Variants in FAM222A observed in about 807,000 individuals in gnomAD.
The protein encoded by FAM222A is family with sequence similarity 222 member A, also known as protein FAM222A.
FAM222A carries 7 observed loss-of-function variants against 25.8 expected under a neutral mutation model. The observed-to-expected ratio is 0.27, with a 90% CI of 0.15 to 0.51. FAM222A has a LOEUF of 0.51. FAM222A is among the 20% of genes least tolerant of loss of function. FAM222A has a pLI of 0.97. For missense variants in FAM222A, 573 were observed against 640.5 expected, an observed-to-expected ratio of 0.89 and a Z score of 1.14; for synonymous variants, 294 against 298.8, an observed-to-expected ratio of 0.98 and a Z score of 0.17.
intron 1 of FAM222A, among the ~76,000 whole-genome samples, chr12:109,721,392 A>G (rs1887742820): frequency 6.7e-6 from 1 of 149,504 alleles, no homozygotes; most frequent in Non-Finnish European, 1.5e-5. Flanking sequence ...CGCGTCCTTC[A>G]TAAATGTCAA....
chr12:109,754,507 G>A (rs1003070752), intron 2 of FAM222A, among the ~76,000 whole-genome samples: 2 of 152,232 alleles, frequency 1.3e-5, no homozygotes, highest in African/African-American at 4.8e-5. Flanking sequence ...AGCTTTGTGA[G>A]CCATACAGTT....
chr12:109,768,132 G>T lies in FAM222A; in HGVS notation c.203G>T (p.Arg68Leu). ...ATCAAGATCTTCCCCACCAACATCC[G>T]TGTGCCCCAGCACAAGCACCTCAGC... The part of the protein sequence containing the change: ...LSIKIFPTNI[R>L]VPQHKHLSRT... The change falls in exon 3 of 3, where the codon CGT (arginine) becomes CTT (leucine). Residue 68 changes from arginine to leucine, a missense_variant. Arg to Leu is a moderately radical substitution (Grantham distance 102, BLOSUM62 -2). This residue lies in a region of FAM222A where 112 missense variants were observed against 154.6 expected (regional missense o/e 0.72). Transcript: ENST00000538780. 6.2e-7 allele frequency: 1 copy of T among 1,613,972 alleles called. No individual in the cohort carries two copies. Among genetic ancestry groups the T allele is most frequent in the Non-Finnish European group, 8.5e-7 (1 of 1,180,020 alleles).
chr12:109,761,315 C>T (rs1443450764), intron 2 of FAM222A, among the ~76,000 whole-genome samples: 1 of 152,100 alleles, frequency 6.6e-6, no homozygotes, highest in Non-Finnish European at 1.5e-5. Context: ...GAAGGGTCCA[C>T]GGGAGTACGA....
chr12:109,737,270 C>T (rs1330001141), intron 1 of FAM222A, among the ~76,000 whole-genome samples: 1 of 152,066 alleles, frequency 6.6e-6, no homozygotes, highest in Non-Finnish European at 1.5e-5. Flanking sequence ...GAGGGAAGCC[C>T]ACCTCAGGAC....
chr12:109,727,208 T>C (rs1442437824), intron 1 of FAM222A, among the ~76,000 whole-genome samples: 1 of 152,020 alleles, frequency 6.6e-6, no homozygotes, highest in Non-Finnish European at 1.5e-5. Flanking sequence ...GGCCTTTGTG[T>C]GAGCTTGAGC....
At chr12:109,760,310 G>A (rs916457029) in intron 2 of FAM222A, among the ~76,000 whole-genome samples, 4 of 152,164 alleles carry the variant, frequency 2.6e-5, no homozygotes, top group Admixed American at 2.6e-4. Context: ...GCACGGGGAG[G>A]CAGTGCTTCA....
At chr12:109,716,269 A>G (rs1321957076) in intron 1 of FAM222A, among the ~76,000 whole-genome samples, 1 of 152,130 alleles carries the variant, frequency 6.6e-6, no homozygotes, top group Non-Finnish European at 1.5e-5. Flanking sequence ...CCTTCCAGCA[A>G]TTATTGCCAG....
intron 1 of FAM222A, among the ~76,000 whole-genome samples, chr12:109,718,798 T>TGACATC (rs2136315286): frequency 6.6e-6 from 1 of 152,344 alleles, no homozygotes; most frequent in Admixed American, 6.5e-5. Context: ...TATAAGCTAC[T>TGACATC]GACATCTTTT....
chr12:109,737,565 A>G (rs1416859120), intron 1 of FAM222A, among the ~76,000 whole-genome samples: 3 of 143,530 alleles, frequency 2.1e-5, no homozygotes, highest in African/African-American at 7.9e-5. Context: ...AGGGGACAGT[A>G]CCTCCCCAGC....
At chr12:109,744,053 A>G (rs1376619652) in intron 1 of FAM222A, 48 bp from the exon 2 acceptor site, 4 of 1,510,432 alleles carry the variant, frequency 2.6e-6, no homozygotes, top group Non-Finnish European at 3.5e-6. Context: ...TGGGAGGCGA[A>G]CACGGAGCAG....
chr12:109,715,501 C>T (rs1259794713), intron 1 of FAM222A, among the ~76,000 whole-genome samples: 1 of 152,176 alleles, frequency 6.6e-6, no homozygotes, highest in African/African-American at 2.4e-5. Context: ...CACCACTTGC[C>T]TTGACCCAAG....
At chr12:109,753,170 G>T (rs1463817720) in intron 2 of FAM222A, among the ~76,000 whole-genome samples, 1 of 152,224 alleles carries the variant, frequency 6.6e-6, no homozygotes, top group Admixed American at 6.5e-5. Flanking sequence ...GCGAGGTGGG[G>T]TTACTCAGGG....
chr12:109,766,537 C>T (rs1194162158), intron 2 of FAM222A, among the ~76,000 whole-genome samples: 1 of 152,262 alleles, frequency 6.6e-6, no homozygotes, highest in Non-Finnish European at 1.5e-5. Flanking sequence ...CGCTAAGCCC[C>T]ATCTGCCGTG....
chr12:109,769,403 C>G lies in FAM222A; in HGVS notation c.*115C>G. The G allele has an allele frequency of 7.7e-7, 1 of 1,296,216 alleles. No homozygotes were observed. The highest frequency in any genetic ancestry group is 1.0e-6 in the Non-Finnish European group (1 of 967,868). The allele number at this position is 1,296,216 out of a possible 1,614,324, so 80.3% of individuals were successfully genotyped here. On this transcript the variant is annotated 3_prime_UTR_variant, in exon 3 of 3. Transcript: ENST00000538780. ...CAGCCCCACCCTGTGCCTGCTGATG[C>G]CCACAGGGGAGCCAGGCTGGCTGCC...
chr12:109,749,974 T>C (rs1888514973), intron 2 of FAM222A, among the ~76,000 whole-genome samples: 1 of 152,230 alleles, frequency 6.6e-6, no homozygotes, highest in African/African-American at 2.4e-5. Context: ...TACTATAGAG[T>C]TGGATTAAGC....
intron 2 of FAM222A, among the ~76,000 whole-genome samples, chr12:109,759,044 TCCA>T (rs1237353385): frequency 6.6e-6 from 1 of 152,192 alleles, no homozygotes; most frequent in Non-Finnish European, 1.5e-5. Flanking sequence ...AAAGCTGAAG[TCCA>T]CCAAGGGAAC....
intron 2 of FAM222A, among the ~76,000 whole-genome samples, chr12:109,762,823 T>C (rs1391031202): frequency 6.6e-6 from 1 of 152,176 alleles, no homozygotes; most frequent in Admixed American, 6.5e-5. Flanking sequence ...TGCAAACCCA[T>C]TGGCTTCCAG....
chr12:109,739,730 A>G (rs921630453), intron 1 of FAM222A, among the ~76,000 whole-genome samples: 1 of 152,180 alleles, frequency 6.6e-6, no homozygotes, highest in African/African-American at 2.4e-5. Context: ...ACGGGCCCCC[A>G]ACCACGATGG....
chr12:109,745,014 T>C (rs1888357231), intron 2 of FAM222A, among the ~76,000 whole-genome samples: 1 of 152,184 alleles, frequency 6.6e-6, no homozygotes, highest in African/African-American at 2.4e-5. Context: ...GCTTACAATG[T>C]GAAAATATTT....
Sources: allele counts gnomAD v4.1 joint callset (sites outside exome capture counted in the v4.1 genomes callset), GRCh38; gene constraint gnomAD v4.1.1; regional missense constraint gnomAD v4.1.1; transcripts MANE v1.5; gene names NCBI Gene and HGNC (gene_info 2026-07-23, HGNC 2026-07-21).